Variants in IL3RA observed in about 807,000 individuals in gnomAD.
IL3RA encodes the protein interleukin 3 receptor subunit alpha, also known as interleukin-3 receptor subunit alpha.
Under a neutral mutation model 52.3 loss-of-function variants are expected in IL3RA, and 73 were observed. That is an observed-to-expected ratio of 1.40 (90% CI 1.16 to 1.70). The LOEUF is 1.70. Among genes scored for constraint, IL3RA ranks in the 40% most tolerant of loss-of-function variants. IL3RA has a pLI of 0.00. For missense variants in IL3RA, 664 were observed against 504.4 expected, an observed-to-expected ratio of 1.32 and a Z score of -3.03; for synonymous variants, 260 against 194.0, an observed-to-expected ratio of 1.34 and a Z score of -2.83.
At chrX:1,351,485 C>G (rs1236813317) in intron 4 of IL3RA, among the ~76,000 whole-genome samples, 1 of 150,748 alleles carries the variant, frequency 6.6e-6, no homozygotes, top group Non-Finnish European at 1.5e-5. Context: ...CCCGACATCA[C>G]GCCCGGCTAA....
At chrX:1,380,349 G>A (rs1288667987) in intron 10 of IL3RA, among the ~76,000 whole-genome samples, 2 of 134,142 alleles carry the variant, frequency 1.5e-5, no homozygotes, top group Admixed American at 1.6e-4. Context: ...CCTTCCTGCT[G>A]GGCATCAGAG....
rs1267146377 is a variant in IL3RA, at chrX:1,358,835, A to G, written c.733-26A>G. 2.5e-6 allele frequency: 4 copies of G among 1,613,308 alleles called. No homozygotes were observed. In the Admixed American group the frequency reaches 6.7e-5, roughly 27 times the overall value. On this transcript the variant is annotated intron_variant, in intron 7 of 11. Coordinates refer to ENST00000331035, the MANE Select transcript of IL3RA (RefSeq NM_002183.4). Reference sequence around the variant, plus strand: ...CTTTCAGGGACGGTCCAGACACTCAAAAGTTTGCTTGCTTTTGTGTTGCAG... The same window carrying G: ...CTTTCAGGGACGGTCCAGACACTCAGAAGTTTGCTTGCTTTTGTGTTGCAG...
chrX:1,380,652 AGGGAGG>A (rs2089132814), intron 10 of IL3RA, among the ~76,000 whole-genome samples: 1 of 28,926 alleles, frequency 3.5e-5, no homozygotes, highest in African/African-American at 1.4e-4. Context: ...GGAGGGGGAG[AGGGAGG>A]GGTAGGGGGG....
At chrX:1,338,619 G>A (rs2085384483) in intron 1 of IL3RA, among the ~76,000 whole-genome samples, 1 of 152,232 alleles carries the variant, frequency 6.6e-6, no homozygotes, top group African/African-American at 2.4e-5. Flanking sequence ...CCTGAGAGAG[G>A]CCAGATACAA....
intron 2 of IL3RA, among the ~76,000 whole-genome samples, chrX:1,344,036 C>T (rs762986612): frequency 7.9e-5 from 12 of 152,122 alleles, no homozygotes; most frequent in South Asian, 2.1e-4. Flanking sequence ...CCTGGTGATC[C>T]GCCCACCTTG....
chrX:1,381,937 T>A (rs2089195326), intron 11 of IL3RA, among the ~76,000 whole-genome samples: 1 of 151,544 alleles, frequency 6.6e-6, no homozygotes, highest in Admixed American at 6.6e-5. Context: ...TTTTTTGTTT[T>A]GTTTTGTTTT....
At chrX:1,355,513 C>G (rs1399227689) in intron 6 of IL3RA, among the ~76,000 whole-genome samples, 1 of 146,192 alleles carries the variant, frequency 6.8e-6, no homozygotes, top group Non-Finnish European at 1.5e-5. Flanking sequence ...TCCAGGGGCC[C>G]AGGGGAGACC....
At chrX:1,345,664 G>A (rs1413121721) in intron 3 of IL3RA, among the ~76,000 whole-genome samples, 3 of 151,324 alleles carry the variant, frequency 2.0e-5, no homozygotes, top group Non-Finnish European at 4.4e-5. Flanking sequence ...TAATTTTTTT[G>A]TATTTTTAGT....
At chrX:1,366,269 A>C (rs1422628382) in intron 9 of IL3RA, among the ~76,000 whole-genome samples, 1 of 32,132 alleles carries the variant, frequency 3.1e-5, no homozygotes, top group African/African-American at 2.1e-4. Context: ...GCGCGGGGTG[A>C]GCCGGGTGAG....
chrX:1,377,933 C>A lies in IL3RA; in HGVS notation c.875-726C>A, dbSNP rs186331809. On this transcript the variant is annotated intron_variant, in intron 9 of 11. Transcript: ENST00000331035. ...CGGGTGCGTGGCTGACGCCTGTAAT[C>A]CCAGCACTTTGGGAGGCCGAGGCGG... Among the ~76,000 whole-genome samples the A allele has an allele frequency of 4.5e-3, 668 of 149,880 alleles. 5 individuals carry two copies. The highest frequency in any genetic ancestry group is 0.015 in the African/African-American group (615 of 41,228).
rs750039432 is a variant in IL3RA, at chrX:1,341,820, A to C, written c.55A>C (p.Thr19Pro). ...LLIALPCLLQ[T>P]KEDPNPPITN... ...GATCGCCCTGCCCTGTCTCCTGCAA[A>C]CGAAGGAAGGTAAGAACTGGAGAAA... The change falls in exon 2 of 12, where the codon ACG (threonine) becomes CCG (proline). Residue 19 changes from threonine to proline, a missense_variant. Physicochemically the swap from Thr to Pro is conservative, Grantham distance 38. Transcript: ENST00000331035. The C allele has an allele frequency of 6.2e-7, 1 of 1,613,894 alleles. No homozygotes were observed. Among genetic ancestry groups the C allele is most frequent in the African/African-American group, 1.3e-5 (1 of 75,006 alleles).
chrX:1,356,643 G>A (rs551944612), intron 7 of IL3RA, among the ~76,000 whole-genome samples: 2 of 151,884 alleles, frequency 1.3e-5, no homozygotes, highest in Non-Finnish European at 2.9e-5. Flanking sequence ...GTGGTGGCAC[G>A]GTCTTGTAGT....
chrX:1,359,009 TTAA>T (rs1192606916), intron 8 of IL3RA, 122 bp downstream of exon 8: 5 of 710,636 alleles, frequency 7.0e-6, no homozygotes, highest in Admixed American at 4.3e-5. Context: ...GAAAATATTA[TTAA>T]TAATAAATGT....
chrX:1,377,082 C>T (rs1345065497), intron 9 of IL3RA, among the ~76,000 whole-genome samples: 6 of 133,226 alleles, frequency 4.5e-5, no homozygotes, highest in African/African-American at 1.8e-4. Flanking sequence ...CAGACACACA[C>T]CAAGGGACAA....
intron 8 of IL3RA, 26 bp from the exon 9 acceptor site, chrX:1,365,112 C>T (rs751863052): frequency 1.3e-6 from 2 of 1,567,462 alleles, no homozygotes; most frequent in East Asian, 2.3e-5. Context: ...CCTGGCCCCT[C>T]TTCTTTATTT....
chrX:1,348,422 C>G lies in IL3RA; in HGVS notation c.184-9C>G, dbSNP rs754187436. On this transcript the variant is annotated splice_polypyrimidine_tract_variant and intron_variant, in intron 3 of 11. Transcript: ENST00000331035. The stretch of plus-strand genomic sequence containing the variant: ...GTCAGCAGCCATCATAGTCCTATGT[C>G]TCTCTTAGGCAGTGAACAATAGCTA... 8.2e-6 allele frequency: 13 copies of G among 1,592,526 alleles called. No homozygotes were observed. The highest frequency in any genetic ancestry group is 7.7e-5 in the South Asian group (7 of 90,654).
chrX:1,354,595 GA>G (rs1232945883), intron 6 of IL3RA, among the ~76,000 whole-genome samples: 3 of 121,372 alleles, frequency 2.5e-5, no homozygotes, highest in Non-Finnish European at 3.5e-5. Flanking sequence ...GGAGAAAGAG[GA>G]GGGGGAGGAG....
At chrX:1,341,869 C>G (rs375045107) in intron 2 of IL3RA, 40 bp downstream of exon 2, 2 of 1,596,510 alleles carry the variant, frequency 1.3e-6, no homozygotes, top group Non-Finnish European at 1.7e-6. Flanking sequence ...ACCTGGGGAG[C>G]GGTGGGGGTA....
chrX:1,348,644 C>CTCTTTTTCTTTCTT, intron 4 of IL3RA, 99 bp downstream of exon 4: 1 of 496,242 alleles, frequency 2.0e-6, no homozygotes, highest in South Asian at 2.9e-5. Context: ...TTTTCTTTTT[C>CTCTTTTTCTTTCTT]TCTTTCTTTC....
Sources: gnomAD v4.1 joint callset for allele counts (sites outside exome capture counted in the v4.1 genomes callset) on GRCh38, gnomAD v4.1.1 for gene constraint, MANE v1.5 for transcripts, NCBI Gene and HGNC (gene_info 2026-07-23, HGNC 2026-07-21) for gene names.